The following LHFPL3 variants were observed in gnomAD, a reference collection of about 807,000 sequenced individuals.
LHFPL3 encodes LHFPL tetraspan subfamily member 3.
A neutral mutation model predicts 19.3 loss-of-function variants in LHFPL3; 5 were observed. The ratio of observed to expected loss-of-function variants is 0.26; its 90% CI spans 0.14 to 0.54. The LOEUF is 0.54. LHFPL3 is among the 20% of genes least tolerant of loss of function. The pLI, the probability that LHFPL3 is intolerant of heterozygous loss-of-function variation, is 0.94. For synonymous variants in LHFPL3, 133 were observed against 126.2 expected (o/e 1.05, Z -0.36); for missense variants, 249 against 307.4 (o/e 0.81, Z 1.42).
At chr7:104,864,494 T>A (rs1313367214) in intron 2 of LHFPL3, among the ~76,000 whole-genome samples, 1 of 152,240 alleles carries the variant, frequency 6.6e-6, no homozygotes, top group Non-Finnish European at 1.5e-5. Context: ...TGGAGAGTCC[T>A]ACGCCCAATG....
At chr7:104,593,582 C>T (rs6950912) in intron 1 of LHFPL3, among the ~76,000 whole-genome samples, 139,467 of 152,176 alleles carry the variant, frequency 0.92, 64,225 homozygotes, top group Non-Finnish European at 0.97. Context: ...GAGTTCAGGT[C>T]CTGGATATCC....
chr7:104,568,656 C>T (rs1261649493), intron 1 of LHFPL3, among the ~76,000 whole-genome samples: 2 of 152,190 alleles, frequency 1.3e-5, no homozygotes, highest in Non-Finnish European at 2.9e-5. Context: ...CTCCTGATTG[C>T]AGCCTATATG....
chr7:104,714,986 G>C (rs917085970), intron 1 of LHFPL3, among the ~76,000 whole-genome samples: 27 of 149,480 alleles, frequency 1.8e-4, no homozygotes, highest in African/African-American at 3.9e-4. Context: ...TATATACACA[G>C]AGAGAGAGAG....
At chr7:104,359,186 C>T (rs1274601266) in intron 1 of LHFPL3, among the ~76,000 whole-genome samples, 1 of 152,106 alleles carries the variant, frequency 6.6e-6, no homozygotes, top group African/African-American at 2.4e-5. Flanking sequence ...TTATTGCCCT[C>T]AATACAGAGA....
intron 1 of LHFPL3, among the ~76,000 whole-genome samples, chr7:104,527,936 C>G (rs532560624): frequency 6.6e-6 from 1 of 152,234 alleles, no homozygotes; most frequent in South Asian, 2.1e-4. Context: ...AAAGTGAGAC[C>G]ATATTTATTT....
At chr7:104,340,678 C>T (rs1221545274) in intron 1 of LHFPL3, among the ~76,000 whole-genome samples, 3 of 152,024 alleles carry the variant, frequency 2.0e-5, no homozygotes, top group Non-Finnish European at 2.9e-5. Context: ...AAAATGTTTG[C>T]GAGTATTTTT....
intron 2 of LHFPL3, among the ~76,000 whole-genome samples, chr7:104,829,452 G>A (rs1287306310): frequency 6.6e-6 from 1 of 151,680 alleles, no homozygotes; most frequent in Non-Finnish European, 1.5e-5. Flanking sequence ...TTAGCATTAG[G>A]TATATCTCCT....
At chr7:104,620,284 G>A (rs772215546) in intron 1 of LHFPL3, among the ~76,000 whole-genome samples, 4 of 152,178 alleles carry the variant, frequency 2.6e-5, no homozygotes, top group Non-Finnish European at 4.4e-5. Context: ...AGGTCTAACA[G>A]TGCTTTGGAT....
chr7:104,606,851 A>G (rs1206732543), intron 1 of LHFPL3, among the ~76,000 whole-genome samples: 5 of 152,128 alleles, frequency 3.3e-5, no homozygotes, highest in Non-Finnish European at 5.9e-5. Flanking sequence ...AAGGTGTGGA[A>G]AATGGTCCTC....
chr7:104,849,894 G>A lies in LHFPL3; in HGVS notation c.683-56293G>A, dbSNP rs143663126. Among the ~76,000 whole-genome samples the A allele has an allele frequency of 2.7e-3, 404 of 152,352 alleles. 2 individuals carry two copies. The highest frequency in any genetic ancestry group is 9.1e-3 in the African/African-American group (380 of 41,578). On this transcript the variant is annotated intron_variant, in intron 2 of 2. Coordinates refer to ENST00000424859, the MANE Select transcript of LHFPL3 (RefSeq NM_199000.3). ...CAGTTTTTATACAGATAGAGCAGAG[G>A]GAAAGTTAGAGTAATATATTTAGAT...
intron 1 of LHFPL3, among the ~76,000 whole-genome samples, chr7:104,613,540 G>T (rs1013179933): frequency 1.3e-5 from 2 of 152,130 alleles, no homozygotes; most frequent in African/African-American, 4.8e-5. Flanking sequence ...AATGGTAAAA[G>T]AATTACCTAG....
chr7:104,346,336 GT>G (rs766835972), intron 1 of LHFPL3, among the ~76,000 whole-genome samples: 122 of 140,328 alleles, frequency 8.7e-4, no homozygotes, highest in South Asian at 3.4e-3. Flanking sequence ...AGTTATCAGG[GT>G]TTTTTTTTTT....
chr7:104,648,662 G>A (rs1338082793), intron 1 of LHFPL3, among the ~76,000 whole-genome samples: 2 of 152,154 alleles, frequency 1.3e-5, no homozygotes, highest in Non-Finnish European at 2.9e-5. Flanking sequence ...TAACTATGAT[G>A]TGTACAGCGC....
intron 1 of LHFPL3, among the ~76,000 whole-genome samples, chr7:104,573,680 G>A (rs1205484956): frequency 6.6e-6 from 1 of 152,190 alleles, no homozygotes; most frequent in Non-Finnish European, 1.5e-5. Context: ...TAAAGGTTGG[G>A]AGATGCCTGT....
At chr7:104,430,721 G>A (rs1326514526) in intron 1 of LHFPL3, among the ~76,000 whole-genome samples, 1 of 151,190 alleles carries the variant, frequency 6.6e-6, no homozygotes, top group Non-Finnish European at 1.5e-5. Flanking sequence ...GCCCACCTCG[G>A]CCTCCCAAAG....
At chr7:104,371,931 C>T (rs755620421) in intron 1 of LHFPL3, among the ~76,000 whole-genome samples, 70 of 152,200 alleles carry the variant, frequency 4.6e-4, no homozygotes, top group African/African-American at 3.6e-4. Flanking sequence ...AGAATTTTCT[C>T]GCTGCTAGTT....
At chr7:104,338,185 G>A (rs1450174179) in intron 1 of LHFPL3, among the ~76,000 whole-genome samples, 3 of 130,828 alleles carry the variant, frequency 2.3e-5, no homozygotes, top group East Asian at 5.0e-4. Flanking sequence ...TGCAAGCTCC[G>A]CCTTCTGGGT....
chr7:104,709,336 C>T (rs5004882), intron 1 of LHFPL3, among the ~76,000 whole-genome samples: 26,034 of 95,794 alleles, frequency 0.27, 4,680 homozygotes, highest in East Asian at 0.55. Flanking sequence ...CAGATAAACA[C>T]GTGAACAAAG....
chr7:104,626,704 T>C (rs1403094760), intron 1 of LHFPL3, among the ~76,000 whole-genome samples: 1 of 152,174 alleles, frequency 6.6e-6, no homozygotes, highest in Admixed American at 6.5e-5. Flanking sequence ...CAGGAGGAAG[T>C]AGAAGATGTT....
Sources: allele counts gnomAD v4.1 joint callset (sites outside exome capture counted in the v4.1 genomes callset), GRCh38; gene constraint gnomAD v4.1.1; transcripts MANE v1.5; gene names NCBI Gene and HGNC (gene_info 2026-07-23, HGNC 2026-07-21).